ITIH6: variants seen among roughly 807,000 people sequenced by gnomAD.
The protein encoded by ITIH6 is inter-alpha-trypsin inhibitor heavy chain H6.
ITIH6 carries 60 observed loss-of-function variants against 58.2 expected under a neutral mutation model. That is an observed-to-expected ratio of 1.03 (90% CI 0.84 to 1.28). The LOEUF is 1.28. Among genes scored for constraint, ITIH6 ranks in the 50% most tolerant of loss-of-function variants. The pLI, the probability that ITIH6 is intolerant of heterozygous loss-of-function variation, is 0.00. For missense variants in ITIH6, 1,290 were observed against 1,021.1 expected (o/e 1.26, Z -3.59); for synonymous variants, 493 against 417.4 (o/e 1.18, Z -2.21).
chrX:54,788,771 A>T, intron 4 of ITIH6, 122 bp from the exon 5 acceptor site: 1 of 525,744 alleles, frequency 1.9e-6, no homozygotes, highest in Non-Finnish European at 3.2e-6. Flanking sequence ...TCTTCCCCAA[A>T]CCTCTGGTGC....
At chrX:54,761,932 G>C (rs1207797262) in intron 6 of ITIH6, among the ~76,000 whole-genome samples, 1 of 111,533 alleles carries the variant, frequency 9.0e-6, no homozygotes, top group Non-Finnish European at 1.9e-5. Flanking sequence ...CTCTTTTTTG[G>C]TTCCATATGA....
At chrX:54,793,631 A>G (rs995785136) in intron 2 of ITIH6, among the ~76,000 whole-genome samples, 2 of 112,204 alleles carry the variant, frequency 1.8e-5, no homozygotes, top group Non-Finnish European at 3.8e-5. Flanking sequence ...ATGGCTTGGC[A>G]CAGAGGAGGT....
intron 3 of ITIH6, 74 bp from the exon 4 acceptor site, chrX:54,791,158 G>T: frequency 2.8e-6 from 3 of 1,084,564 alleles, no homozygotes; most frequent in Non-Finnish European, 2.5e-6. Flanking sequence ...AGATGACCTA[G>T]TTTTGCTCCC....
intron 12 of ITIH6, among the ~76,000 whole-genome samples, chrX:54,750,689 T>C (rs1377948278): frequency 1.8e-5 from 2 of 111,620 alleles, no homozygotes; most frequent in Non-Finnish European, 3.8e-5. Flanking sequence ...TCCTCCACAC[T>C]CTTGTTTAGC....
intron 5 of ITIH6, among the ~76,000 whole-genome samples, chrX:54,776,210 T>A (rs1244953281): frequency 9.1e-6 from 1 of 109,728 alleles, no homozygotes; most frequent in Admixed American, 9.7e-5. Context: ...CAAACTCGGC[T>A]GATGCCTGCA....
intron 12 of ITIH6, among the ~76,000 whole-genome samples, chrX:54,750,748 T>C (rs1403440657): frequency 1.8e-5 from 2 of 111,660 alleles, no homozygotes; most frequent in East Asian, 5.7e-4. Context: ...AAGTCCTTCT[T>C]GAGCTCTGAG....
intron 5 of ITIH6, among the ~76,000 whole-genome samples, chrX:54,778,188 C>A (rs1032989425): frequency 9.3e-6 from 1 of 107,969 alleles, no homozygotes; most frequent in Non-Finnish European, 1.9e-5. Flanking sequence ...GAAGAATGCA[C>A]CAGAGTCTTT....
rs1437790348 is a variant in ITIH6, at chrX:54,796,954, G to C, written c.245C>G (p.Ser82Cys). ...DLDLPHLAFISNFTMTINNKV... is the reference protein window; with the variant it reads ...DLDLPHLAFICNFTMTINNKV... ...GAAGCAGACTTACATAGTGAAATTG[G>C]AGATAAAGGCAAGATGAGGCAGATC... The change falls in exon 2 of 13, where the codon TCC (serine) becomes TGC (cysteine). Residue 82 changes from serine (S) to cysteine (C), a missense_variant. Ser to Cys is a moderately radical substitution (Grantham distance 112). Transcript: ENST00000218436. 1 of 1,210,700 alleles carries C rather than the reference G, an allele frequency of 8.3e-7. No individual in the cohort carries two copies. The highest frequency in any genetic ancestry group is 2.2e-5 in the Admixed American group (1 of 45,925).
chrX:54,764,206 T>C (rs1928716464), intron 6 of ITIH6, among the ~76,000 whole-genome samples: 1 of 111,949 alleles, frequency 8.9e-6, no homozygotes, highest in South Asian at 3.7e-4. Flanking sequence ...ATTACTGACA[T>C]AGTTGGATTA....
At chrX:54,797,119 G>A in intron 1 of ITIH6, 23 bp from the exon 2 acceptor site, 2 of 1,188,818 alleles carry the variant, frequency 1.7e-6, no homozygotes, top group Non-Finnish European at 2.3e-6. Flanking sequence ...ACAGGAGGAG[G>A]TGTTTTAGGT....
chrX:54,785,697 TCG>T (rs1929230528), intron 5 of ITIH6, among the ~76,000 whole-genome samples: 1 of 111,416 alleles, frequency 9.0e-6, no homozygotes, highest in Non-Finnish European at 1.9e-5. Flanking sequence ...CCCACTCCCT[TCG>T]CAGTGCTTCC....
chrX:54,773,754 T>G lies in ITIH6; in HGVS notation c.903+327A>C, dbSNP rs554562889. Among the ~76,000 whole-genome samples, 17 of 110,982 alleles carry G rather than the reference T, an allele frequency of 1.5e-4. No individual in the cohort carries two copies. In the South Asian group the frequency reaches 4.7e-3, roughly 31 times the overall value. On this transcript the variant is annotated intron_variant, in intron 6 of 12. Coordinates refer to ENST00000218436, the MANE Select transcript of ITIH6 (RefSeq NM_198510.3). ...GTGGCCTCAGGAAGACTCAGAGTCT[T>G]TCTCACCTAAGGTTTTCTTGCTTTT...
intron 4 of ITIH6, among the ~76,000 whole-genome samples, chrX:54,789,579 C>T (rs1190834096): frequency 1.8e-5 from 2 of 112,158 alleles, no homozygotes; most frequent in South Asian, 3.7e-4. Context: ...CTGAAGAGTG[C>T]GGCCTGCCCG....
chrX:54,796,694 A>AAG (rs1557215131), intron 2 of ITIH6, among the ~76,000 whole-genome samples: 2 of 110,162 alleles, frequency 1.8e-5, no homozygotes, highest in African/African-American at 6.6e-5. Context: ...AAAAAAAAAA[A>AAG]AAAGAAAGAA....
intron 6 of ITIH6, 62 bp downstream of exon 6, chrX:54,774,019 G>C (rs1044175098): frequency 3.0e-6 from 2 of 673,288 alleles, no homozygotes; most frequent in Non-Finnish European, 4.5e-6. Context: ...TTGTTACCAC[G>C]CTCTCTGCTT....
Position 54,749,643 on chromosome X carries a change from T to TGA in ITIH6, c.*250_*251dup, listed in dbSNP as rs1432726340. The TGA allele has an allele frequency of 3.1e-6, 1 of 327,574 alleles. No individual in the cohort carries two copies. Among genetic ancestry groups the TGA allele is most frequent in the Non-Finnish European group, 5.3e-6 (1 of 188,325 alleles). 27.0% of individuals were successfully genotyped at this position (327,574 alleles called of 1,213,427 possible). On this transcript the variant is annotated 3_prime_UTR_variant, in exon 13 of 13. Coordinates refer to ENST00000218436, the MANE Select transcript of ITIH6 (RefSeq NM_198510.3). ...TTACAAAAGTGGCTTGTAGGGCTGGTGAGGAGCATGGATTTGGAGAGGGTG... is the reference window on the plus strand; with the variant it reads ...TTACAAAAGTGGCTTGTAGGGCTGGTGAGAGGAGCATGGATTTGGAGAGGGTG...
rs1928427900 is a variant in ITIH6, at chrX:54,753,861, C to T, written c.3238+69G>A. 3 of 1,140,205 alleles carry T rather than the reference C, an allele frequency of 2.6e-6. No homozygotes were observed. The East Asian group carries it at 9.0e-5, about 34-fold the overall frequency. The allele number at this position is 1,140,205 out of a possible 1,213,427, so 94.0% of individuals were successfully genotyped here. Reference sequence around the variant, plus strand: ...AAGGGAAGAGGTTATGTCTATTTCCCCAGCCCCAGTCCCAGTGCACAAGCT... The same window carrying T: ...AAGGGAAGAGGTTATGTCTATTTCCTCAGCCCCAGTCCCAGTGCACAAGCT... On this transcript the variant is annotated intron_variant, in intron 10 of 12. Transcript: ENST00000218436.
Position 54,755,074 on chromosome X carries a change from G to A in ITIH6, c.3145C>T (p.Leu1049=). The A allele has an allele frequency of 8.3e-7, 1 of 1,210,433 alleles. No homozygotes were observed. The highest frequency in any genetic ancestry group is 1.1e-6 in the Non-Finnish European group (1 of 894,566). Residue 1049 remains leucine (L), a synonymous_variant, in exon 9 of 13, where the codon CTG becomes TTG. Transcript: ENST00000218436. ...TCCATGCTGCCTCCAGCTCCTCCCA[G>A]GATCTCCTCAGAATTGCCATCCCAG... The part of the protein sequence containing the change: ...PNWDGNSEEI[L]GGAGGSMESQ...
At chrX:54,788,749 G>A (rs1929291426) in intron 4 of ITIH6, 100 bp from the exon 5 acceptor site, 1 of 672,840 alleles carries the variant, frequency 1.5e-6, no homozygotes. Flanking sequence ...TGGGGAGGGT[G>A]AGAAGTCTAA....
Sources: gnomAD v4.1 joint callset for allele counts (sites outside exome capture counted in the v4.1 genomes callset) on GRCh38, gnomAD v4.1.1 for gene constraint, MANE v1.5 for transcripts, NCBI Gene and HGNC (gene_info 2026-07-23, HGNC 2026-07-21) for gene names.